Variants in SUN5 observed in about 807,000 individuals in gnomAD.
The protein encoded by SUN5 is Sad1 and UNC84 domain containing 5, also known as SUN domain-containing protein 5.
Under a neutral mutation model 53.7 loss-of-function variants are expected in SUN5, and 44 were observed. The ratio of observed to expected loss-of-function variants is 0.82; its 90% CI spans 0.64 to 1.05. SUN5 has a LOEUF of 1.05. SUN5 is among the 50% of genes least tolerant of loss of function. The pLI is 0.00. For missense variants in SUN5, 433 were observed against 483.8 expected, an observed-to-expected ratio of 0.90 and a Z score of 0.98; for synonymous variants, 166 against 179.8, an observed-to-expected ratio of 0.92 and a Z score of 0.62.
chr20:32,989,777 AG>A (rs1305103025), intron 8 of SUN5, 79 bp from the exon 9 acceptor site: 6 of 490,224 alleles, frequency 1.2e-5, no homozygotes, highest in Non-Finnish European at 1.4e-5. Flanking sequence ...GGGAGGTAAC[AG>A]GGGGCTGCAG....
At chr20:32,991,954 T>G (rs1360808775) in intron 8 of SUN5, among the ~76,000 whole-genome samples, 1 of 152,178 alleles carries the variant, frequency 6.6e-6, no homozygotes, top group Non-Finnish European at 1.5e-5. Context: ...TTGTGCACGT[T>G]GCGCACAGCA....
intron 5 of SUN5, 159 bp downstream of exon 5, chr20:32,999,915 A>G: frequency 4.5e-6 from 7 of 1,549,630 alleles, no homozygotes; most frequent in Non-Finnish European, 6.1e-6. Flanking sequence ...CAATATTTTC[A>G]TGGTCATCAT....
rs192432553 is a variant in SUN5 at position 32,991,632 on chromosome 20, C to T, written c.535-1934G>A. Among the ~76,000 whole-genome samples the T allele has an allele frequency of 2.9e-3, 449 of 152,310 alleles. 1 individual carries two copies. The highest frequency in any genetic ancestry group is 9.7e-3 in the African/African-American group (403 of 41,560). ...CTCACTTGACAGTGAGTGACTGACA[C>T]GGTCTCTCCTCCTGGGTCTGTCTGA... On this transcript the variant is annotated intron_variant, in intron 8 of 12. Coordinates refer to ENST00000356173, the MANE Select transcript of SUN5 (RefSeq NM_080675.4).
chr20:32,989,494 C>A, intron 9 of SUN5, 126 bp downstream of exon 9: 1 of 430,878 alleles, frequency 2.3e-6, no homozygotes, highest in Admixed American at 5.1e-5. Context: ...GCAAGAAAAC[C>A]AGCTTGGAAC....
Position 32,987,747 on chromosome 20 carries a change from T to C in SUN5, c.642A>G (p.Ser214=). ...IGASIDFEHT[S]VTYNHEKAHS... ...GGGCCTTCTCATGGTTATAGGTGACTGACGTGTGCTCAAAGTCAATGCTGG... is the reference window on the plus strand; with the variant it reads ...GGGCCTTCTCATGGTTATAGGTGACCGACGTGTGCTCAAAGTCAATGCTGG... Residue 214 remains serine, a synonymous_variant, in exon 10 of 13, where the codon TCA becomes TCG. Coordinates refer to ENST00000356173, the MANE Select transcript of SUN5 (RefSeq NM_080675.4). The C allele has an allele frequency of 6.2e-7, 1 of 1,613,278 alleles. No homozygotes were observed. The highest frequency in any genetic ancestry group is 8.5e-7 in the Non-Finnish European group (1 of 1,179,776).
At chr20:32,989,509 G>A (rs1989650178) in intron 9 of SUN5, 111 bp downstream of exon 9, 1 of 773,128 alleles carries the variant, frequency 1.3e-6, no homozygotes, top group Admixed American at 2.3e-5. Flanking sequence ...TGGAACAGAG[G>A]ATGAACTTCC....
chr20:32,997,519 T>A (rs956233112), intron 6 of SUN5, 119 bp downstream of exon 6: 16 of 1,009,742 alleles, frequency 1.6e-5, no homozygotes, highest in Non-Finnish European at 1.8e-5. Flanking sequence ...TGGATCTGGG[T>A]CAAGTCAGGA....
At position 33,002,874 on chromosome 20, in the gene SUN5, G is replaced by T; in HGVS notation, c.123C>A (p.Thr41=). 3 of 1,614,158 alleles carry T rather than the reference G, an allele frequency of 1.9e-6. No homozygotes were observed. The highest frequency in any genetic ancestry group is 2.5e-6 in the Non-Finnish European group (3 of 1,180,052). ...GTCCTTGCTCACTCATGTTTGGGGA[G>T]GTGTCCTCTGCCATCCTGCTGGTGT... is the stretch of plus-strand genomic sequence containing the variant. ...GRNTSRMAED[T]SPNMNDNILL... The change falls in exon 2 of 13, where the codon ACC becomes ACA. Residue 41 remains threonine, a synonymous_variant. Transcript: ENST00000356173.
intron 6 of SUN5, 143 bp from the exon 7 acceptor site, chr20:32,996,501 C>T (rs1989851414): frequency 1.6e-6 from 1 of 632,666 alleles, no homozygotes; most frequent in Non-Finnish European, 2.6e-6. Context: ...GTCTACCCAC[C>T]TATCATTTCT....
chr20:33,002,697 C>A, intron 2 of SUN5, 36 bp from the exon 3 acceptor site: 1 of 1,612,656 alleles, frequency 6.2e-7, no homozygotes, highest in South Asian at 1.1e-5. Flanking sequence ...TCACTGCCAG[C>A]CTCTTGATTT....
At position 33,002,876 on chromosome 20, in the gene SUN5, T is replaced by C; in HGVS notation, c.121A>G (p.Thr41Ala). 2 of 1,614,048 alleles carry C rather than the reference T, an allele frequency of 1.2e-6. No homozygotes were observed. Among genetic ancestry groups the C allele is most frequent in the Non-Finnish European group, 1.7e-6 (2 of 1,180,024 alleles). The change falls in exon 2 of 13, where the codon ACC becomes GCC. Residue 41 changes from threonine to alanine, a missense_variant. Transcript: ENST00000356173. ...GRNTSRMAED[T>A]SPNMNDNILL... Reference sequence around the variant, plus strand: ...CCTTGCTCACTCATGTTTGGGGAGGTGTCCTCTGCCATCCTGCTGGTGTTC... The same window carrying C: ...CCTTGCTCACTCATGTTTGGGGAGGCGTCCTCTGCCATCCTGCTGGTGTTC...
intron 6 of SUN5, among the ~76,000 whole-genome samples, chr20:32,997,103 C>CGGACCTTGAT (rs997711104): frequency 6.6e-6 from 1 of 152,134 alleles, no homozygotes; most frequent in East Asian, 1.9e-4. Context: ...ATATTTTAGC[C>CGGACCTTGAT]GGACCTTGAT....
intron 9 of SUN5, among the ~76,000 whole-genome samples, chr20:32,988,287 G>T (rs1465271732): frequency 1.3e-5 from 2 of 152,182 alleles, no homozygotes; most frequent in Non-Finnish European, 1.5e-5. Flanking sequence ...TCACTCAGGG[G>T]CTGGGCTGAC....
At chr20:33,001,045 G>A (rs1359922168) in intron 4 of SUN5, among the ~76,000 whole-genome samples, 167 bp downstream of exon 4, 2 of 152,076 alleles carry the variant, frequency 1.3e-5, no homozygotes, top group Non-Finnish European at 2.9e-5. Context: ...GGAGCAATGG[G>A]GGGCCACAGT....
At chr20:32,986,871 C>T (rs1568962597) in intron 10 of SUN5, among the ~76,000 whole-genome samples, 1 of 152,218 alleles carries the variant, frequency 6.6e-6, no homozygotes, top group Admixed American at 6.5e-5. Context: ...GGCCTGTGCC[C>T]CTGCGTTCTA....
At chr20:32,991,196 G>A (rs1176944510) in intron 8 of SUN5, among the ~76,000 whole-genome samples, 1 of 152,198 alleles carries the variant, frequency 6.6e-6, no homozygotes, top group Non-Finnish European at 1.5e-5. Context: ...ATCCACAGGT[G>A]CTGGGACTGG....
At chr20:32,997,769 C>A in intron 5 of SUN5, 82 bp from the exon 6 acceptor site, 1 of 1,492,142 alleles carries the variant, frequency 6.7e-7, no homozygotes, top group South Asian at 1.2e-5. Context: ...CATCTGGGTT[C>A]AAATCCCAGC....
At chr20:33,001,618 CTTTT>C (rs1221748283) in intron 3 of SUN5, among the ~76,000 whole-genome samples, 2 of 136,468 alleles carry the variant, frequency 1.5e-5, no homozygotes, top group Non-Finnish European at 3.2e-5. Context: ...TTCTTTCTTT[CTTTT>C]TCTTTTCTTT....
chr20:32,998,039 C>A (rs537208032), intron 5 of SUN5, among the ~76,000 whole-genome samples: 6 of 152,178 alleles, frequency 3.9e-5, no homozygotes, highest in African/African-American at 1.4e-4. Flanking sequence ...ACCATTCAAG[C>A]CATTATTTAA....
Sources: allele counts gnomAD v4.1 joint callset (sites outside exome capture counted in the v4.1 genomes callset), GRCh38; gene constraint gnomAD v4.1.1; transcripts MANE v1.5; gene names NCBI Gene and HGNC (gene_info 2026-07-23, HGNC 2026-07-21).